Variants in MDGA2 observed in about 807,000 individuals in gnomAD.
MDGA2 encodes the protein MAM domain-containing glycosylphosphatidylinositol anchor protein 2.
MDGA2 carries 40 observed loss-of-function variants against 117.8 expected under a neutral mutation model. The ratio of observed to expected loss-of-function variants is 0.34; its 90% confidence interval spans 0.26 to 0.44. The LOEUF (loss-of-function observed/expected upper bound fraction) is 0.44. Among genes scored for constraint, MDGA2 ranks in the 20% least tolerant of loss-of-function variants. MDGA2 has a pLI of 1.00. For synonymous variants in MDGA2, 452 were observed against 439.0 expected, an observed-to-expected ratio of 1.03 and a Z score of -0.37; for missense variants, 1,123 against 1,250.6, an observed-to-expected ratio of 0.90 and a Z score of 1.54.
At chr14:47,397,029 C>G (rs1038816159) in intron 1 of MDGA2, among the ~76,000 whole-genome samples, 8 of 152,110 alleles carry the variant, frequency 5.3e-5, no homozygotes, top group African/African-American at 1.9e-4. Context: ...GACACATGCA[C>G]ACGTATGTTT....
At chr14:47,301,303 A>C (rs762004788) in intron 2 of MDGA2, 108 bp downstream of exon 2, 48 of 813,344 alleles carry the variant, frequency 5.9e-5, no homozygotes, top group African/African-American at 3.2e-4. Flanking sequence ...ACCCACACAC[A>C]CACACACACA....
At chr14:47,564,225 A>G (rs1566517669) in intron 1 of MDGA2, among the ~76,000 whole-genome samples, 5 of 151,888 alleles carry the variant, frequency 3.3e-5, no homozygotes, top group East Asian at 1.9e-4. Flanking sequence ...TGATGACTAT[A>G]TGTCTTGGGG....
chr14:47,533,173 T>G (rs531788202), intron 1 of MDGA2, among the ~76,000 whole-genome samples: 32 of 152,302 alleles, frequency 2.1e-4, no homozygotes, highest in African/African-American at 6.3e-4. Flanking sequence ...CCACTACACA[T>G]AGCTTAGAAT....
chr14:46,957,274 C>A, intron 9 of MDGA2, 100 bp downstream of exon 9: 1 of 1,168,378 alleles, frequency 8.6e-7, no homozygotes, highest in Non-Finnish European at 1.2e-6. Context: ...TTCTATGCTC[C>A]ATTGATTTAC....
At chr14:47,403,993 T>C (rs1442058513) in intron 1 of MDGA2, among the ~76,000 whole-genome samples, 1 of 152,112 alleles carries the variant, frequency 6.6e-6, no homozygotes, top group Non-Finnish European at 1.5e-5. Context: ...TTGTCCACTC[T>C]TCATCAAACT....
intron 1 of MDGA2, among the ~76,000 whole-genome samples, chr14:47,426,711 T>TATAC (rs1555320577): frequency 2.0e-5 from 3 of 148,402 alleles, no homozygotes; most frequent in Non-Finnish European, 4.5e-5. Flanking sequence ...TATATATATA[T>TATAC]ACATATATGT....
chr14:47,052,690 T>C (rs1279769404), intron 7 of MDGA2, among the ~76,000 whole-genome samples: 2 of 151,918 alleles, frequency 1.3e-5, no homozygotes, highest in Non-Finnish European at 2.9e-5. Flanking sequence ...TTTTAAATAA[T>C]CCCTTTCACT....
At chr14:47,214,329 T>A (rs1886007469) in intron 3 of MDGA2, among the ~76,000 whole-genome samples, 1 of 152,172 alleles carries the variant, frequency 6.6e-6, no homozygotes, top group African/African-American at 2.4e-5. Flanking sequence ...AGTCACTGTG[T>A]GGTTATAAAA....
intron 8 of MDGA2, among the ~76,000 whole-genome samples, chr14:47,006,170 T>C (rs1331748062): frequency 1.3e-5 from 2 of 151,214 alleles, no homozygotes; most frequent in African/African-American, 2.4e-5. Context: ...ATAATTATTT[T>C]ATTTCAAGTG....
At chr14:47,446,779 T>TA (rs1855918500) in intron 1 of MDGA2, among the ~76,000 whole-genome samples, 2 of 151,844 alleles carry the variant, frequency 1.3e-5, no homozygotes, top group African/African-American at 2.4e-5. Context: ...GTAGAAAATT[T>TA]TAAAAAAAGT....
At chr14:47,225,963 T>C (rs1048448612) in intron 2 of MDGA2, among the ~76,000 whole-genome samples, 3 of 151,884 alleles carry the variant, frequency 2.0e-5, no homozygotes, top group African/African-American at 7.3e-5. Flanking sequence ...CTGCAAGATA[T>C]ATGCAGATAA....
chr14:47,250,635 A>G (rs1426038930), intron 2 of MDGA2, among the ~76,000 whole-genome samples: 1 of 152,210 alleles, frequency 6.6e-6, no homozygotes, highest in African/African-American at 2.4e-5. Context: ...CAGATCTTCC[A>G]GCACTTTGAT....
chr14:47,419,417 A>T (rs184712219), intron 1 of MDGA2, among the ~76,000 whole-genome samples: 1 of 152,308 alleles, frequency 6.6e-6, no homozygotes, highest in Non-Finnish European at 1.5e-5. Flanking sequence ...CAAAGAAAGT[A>T]AGATGCTCGA....
At chr14:47,443,481 G>T (rs887616580) in intron 1 of MDGA2, among the ~76,000 whole-genome samples, 1 of 151,918 alleles carries the variant, frequency 6.6e-6, no homozygotes, top group Non-Finnish European at 1.5e-5. Flanking sequence ...TGTGTTGACT[G>T]GCTCACAAAA....
chr14:47,083,789 T>C (rs1890793406), intron 6 of MDGA2, among the ~76,000 whole-genome samples: 1 of 152,144 alleles, frequency 6.6e-6, no homozygotes, highest in African/African-American at 2.4e-5. Flanking sequence ...GGCTAGATAA[T>C]GTAGACTTTA....
At chr14:47,135,631 G>T (rs1882415949) in intron 4 of MDGA2, among the ~76,000 whole-genome samples, 1 of 151,662 alleles carries the variant, frequency 6.6e-6, no homozygotes, top group South Asian at 2.1e-4. Context: ...GGGTGGGCGG[G>T]GTCAAGGTTT....
chr14:47,327,418 G>T (rs149404816), intron 1 of MDGA2, among the ~76,000 whole-genome samples: 1 of 152,148 alleles, frequency 6.6e-6, no homozygotes, highest in East Asian at 1.9e-4. Context: ...CTACATGAGT[G>T]TAAGAAACAA....
chr14:47,128,404 T>G (rs545472799), intron 5 of MDGA2, among the ~76,000 whole-genome samples: 14 of 152,242 alleles, frequency 9.2e-5, no homozygotes, highest in African/African-American at 3.4e-4. Context: ...TCCATAGTAA[T>G]TCTTTTATTC....
intron 1 of MDGA2, among the ~76,000 whole-genome samples, chr14:47,505,934 A>C (rs1321126965): frequency 6.6e-6 from 1 of 152,192 alleles, no homozygotes; most frequent in Non-Finnish European, 1.5e-5. Context: ...TGCTCAAAGC[A>C]CATTCTTCAC....
Sources: gnomAD v4.1 joint callset for allele counts (sites outside exome capture counted in the v4.1 genomes callset) on GRCh38, gnomAD v4.1.1 for gene constraint, MANE v1.5 for transcripts, NCBI Gene and HGNC (gene_info 2026-07-23, HGNC 2026-07-21) for gene names.